Variants in MOCS1 observed in about 807,000 individuals in gnomAD.
The protein encoded by MOCS1 is molybdenum cofactor biosynthesis protein 1.
A neutral mutation model predicts 57.6 loss-of-function variants in MOCS1; 39 were observed. The observed-to-expected ratio is 0.68, with a 90% CI of 0.52 to 0.88. MOCS1 has a LOEUF of 0.88. Ranked by LOEUF, MOCS1 falls within the 40% of genes least tolerant of loss-of-function variation. The pLI, the probability that MOCS1 is intolerant of heterozygous loss-of-function variation, is 0.00. For missense variants in MOCS1, 795 were observed against 831.1 expected, an observed-to-expected ratio of 0.96 and a Z score of 0.53; for synonymous variants, 334 against 335.7, an observed-to-expected ratio of 1.00 and a Z score of 0.05.
rs754821147 is a variant in MOCS1, at chr6:39,906,089, G to A, written c.*268C>T. On this transcript the variant is annotated 3_prime_UTR_variant, in exon 11 of 11. Coordinates refer to ENST00000340692, the MANE Select transcript of MOCS1 (RefSeq NM_001358530.2). Reference sequence around the variant, plus strand: ...CATGATTTCTCAGTTATCTGGCATTGCTTGTTGCAGTCCCGCTCCCACGAC... The same window carrying A: ...CATGATTTCTCAGTTATCTGGCATTACTTGTTGCAGTCCCGCTCCCACGAC... 1.5e-6 allele frequency: 1 copy of A among 665,184 alleles called. No homozygotes were observed. The highest frequency in any genetic ancestry group is 1.5e-5 in the South Asian group (1 of 66,602). 41.2% of individuals were successfully genotyped at this position (665,184 alleles called of 1,614,324 possible). A position where few individuals can be genotyped will look rare whatever the true frequency, so the allele number is the denominator to read the frequency against.
chr6:39,930,236 T>C (rs554220892), intron 1 of MOCS1, among the ~76,000 whole-genome samples: 1 of 152,168 alleles, frequency 6.6e-6, no homozygotes, highest in Non-Finnish European at 1.5e-5. Context: ...AGGAAAAAAA[T>C]ATCAGCACCA....
intron 3 of MOCS1, among the ~76,000 whole-genome samples, chr6:39,918,323 A>G: frequency 6.6e-6 from 1 of 152,276 alleles, no homozygotes; most frequent in Non-Finnish European, 1.5e-5. Context: ...ATATTAGAAA[A>G]GGCAGAATGT....
Position 39,925,699 on chromosome 6 carries a change from G to A in MOCS1, c.397C>T (p.Pro133Ser), listed in dbSNP as rs764043788. The A allele has an allele frequency of 1.1e-5, 17 of 1,612,818 alleles. No homozygotes were observed. Among genetic ancestry groups the A allele is most frequent in the Non-Finnish European group, 1.4e-5 (17 of 1,179,982 alleles). ...TCACCCACAATGTCCACCACGTCCG[G>A]CCGGATAAGCGGCTCTCCACCTGTG... ...RLTGGEPLIR[P>S]DVVDIVAQLQ... The change falls in exon 3 of 11, where the codon CCG (proline) becomes TCG (serine). Residue 133 changes from proline to serine, a missense_variant. Pro to Ser is a moderately conservative substitution (Grantham distance 74). This residue lies in a region of MOCS1 where 416 missense variants were observed against 392.4 expected (regional missense o/e 1.06). Coordinates refer to ENST00000340692, the MANE Select transcript of MOCS1 (RefSeq NM_001358530.2).
chr6:39,925,752 A>G lies in MOCS1; in HGVS notation c.344T>C (p.Val115Ala), dbSNP rs372613479. ...CCGGATCTTGTCGATGCCTTCCTTC[A>G]CAAAGAGCCGGGCGAGGGTCAGGAT... is the stretch of plus-strand genomic sequence containing the variant. ...EEILTLARLF[V>A]KEGIDKIRLT... The change falls in exon 3 of 11, where the codon GTG becomes GCG. Residue 115 changes from valine to alanine, a missense_variant. This residue lies in a region of MOCS1 where 416 missense variants were observed against 392.4 expected (regional missense o/e 1.06). Transcript: ENST00000340692. The G allele has an allele frequency of 4.3e-5, 69 of 1,612,706 alleles. No homozygotes were observed. Among genetic ancestry groups the G allele is most frequent in the Non-Finnish European group, 5.8e-5 (69 of 1,179,990 alleles).
chr6:39,906,909 T>C lies in MOCS1; in HGVS notation c.1359A>G (p.Ala453=). Residue 453 remains alanine, a synonymous_variant, in exon 11 of 11, where the codon GCA becomes GCG. Transcript: ENST00000340692. The part of the protein sequence containing the change: ...GSFQRHYTSR[A]DSDANSKCLS... ...GGCACTTTGAGTTGGCATCTGAGTC[T>C]GCACGGGAAGTGTAGTGTCTCTGAA... The C allele has an allele frequency of 1.2e-6, 2 of 1,614,174 alleles. No individual in the cohort carries two copies. Among genetic ancestry groups the C allele is most frequent in the Middle Eastern group, 3.3e-4 (2 of 6,060 alleles).
chr6:39,913,498 G>A (rs1359765104), intron 5 of MOCS1, 70 bp from the exon 6 acceptor site: 3 of 1,378,460 alleles, frequency 2.2e-6, no homozygotes, highest in Non-Finnish European at 3.1e-6. Context: ...ACCCTTGGGG[G>A]CCTGGCACTC....
intron 2 of MOCS1, among the ~76,000 whole-genome samples, chr6:39,926,338 C>T (rs748157772): frequency 3.9e-5 from 6 of 152,146 alleles, no homozygotes; most frequent in Non-Finnish European, 7.3e-5. Flanking sequence ...CTCAAATCCA[C>T]TCTATCTATT....
intron 10 of MOCS1, 154 bp downstream of exon 10, chr6:39,908,901 G>T: frequency 1.4e-6 from 1 of 729,900 alleles, no homozygotes; most frequent in Non-Finnish European, 2.5e-6. Flanking sequence ...GTAAAACCTT[G>T]AAGGTTAAGA....
Position 39,906,746 on chromosome 6 carries a change from C to A in MOCS1, c.1522G>T (p.Ala508Ser). 2.5e-6 allele frequency: 4 copies of A among 1,614,192 alleles called. No individual in the cohort carries two copies. The highest frequency in any genetic ancestry group is 3.4e-6 in the Non-Finnish European group (4 of 1,180,038). ...GGTCCCAGGAGGACCACGGCTGAAG[C>A]CACAGCCACCCGCTCTGTGTCTGGC... Reference protein sequence around the residue: ...RKPDTERVAVASAVVLLGPVA... With the variant: ...RKPDTERVAVSSAVVLLGPVA... The change falls in exon 11 of 11, where the codon GCT becomes TCT. Residue 508 changes from alanine (A) to serine (S), a missense_variant. Ala to Ser is a moderately conservative substitution (Grantham distance 99, BLOSUM62 1). Coordinates refer to ENST00000340692, the MANE Select transcript of MOCS1 (RefSeq NM_001358530.2).
In MOCS1 at chr6:39,904,429, G is replaced by C. The variant is rs73414848; in HGVS notation, c.*1928C>G. On this transcript the variant is annotated 3_prime_UTR_variant, in exon 11 of 11. Transcript: ENST00000340692. ...GGGGTGGCTGAGCTGGTCCTTAATA[G>C]GTTGTTTCTTGGTCTTGCTTTCTTC... is the stretch of plus-strand genomic sequence containing the variant. 0.013 allele frequency: 5,963 copies of C among 454,958 alleles called. 280 individuals carry two copies. The highest frequency in any genetic ancestry group is 0.1 in the African/African-American group (5,199 of 50,074). The allele number at this position is 454,958 out of a possible 1,614,324, so 28.2% of individuals were successfully genotyped here.
intron 10 of MOCS1, among the ~76,000 whole-genome samples, chr6:39,907,398 T>A (rs1767030097): frequency 6.6e-6 from 1 of 152,028 alleles, no homozygotes; most frequent in Admixed American, 6.6e-5. Flanking sequence ...TCCCTCCACA[T>A]GAAAACCTTC....
rs1328390141 is a variant in MOCS1, at chr6:39,905,775, G to A, written c.*582C>T. 4 of 471,098 alleles carry A rather than the reference G, an allele frequency of 8.5e-6. No individual in the cohort carries two copies. Among genetic ancestry groups the A allele is most frequent in the African/African-American group, 4.0e-5 (2 of 50,066 alleles). 29.2% of individuals were successfully genotyped at this position (471,098 alleles called of 1,614,324 possible). A position where few individuals can be genotyped will look rare whatever the true frequency, so the allele number is the denominator to read the frequency against. ...CGGGCAACTGTTAAGCTGAAAGGCT[G>A]CAAGTCTGATGGGACACAGACTTGG... On this transcript the variant is annotated 3_prime_UTR_variant, in exon 11 of 11. Transcript: ENST00000340692.
intron 3 of MOCS1, among the ~76,000 whole-genome samples, chr6:39,924,217 G>T (rs1768141792): frequency 6.6e-6 from 1 of 152,184 alleles, no homozygotes; most frequent in Non-Finnish European, 1.5e-5. Flanking sequence ...CTGCCTCAAG[G>T]CTTAGAACAG....
chr6:39,916,894 A>G (rs1767690240), intron 3 of MOCS1, among the ~76,000 whole-genome samples: 1 of 152,208 alleles, frequency 6.6e-6, no homozygotes, highest in Admixed American at 6.5e-5. Flanking sequence ...AAAAACAGGG[A>G]GTGACTAGTG....
intron 3 of MOCS1, among the ~76,000 whole-genome samples, chr6:39,923,601 T>A (rs1200677587): frequency 2.0e-5 from 3 of 152,242 alleles, no homozygotes; most frequent in African/African-American, 7.2e-5. Context: ...AGCAGCTGGT[T>A]CAGCAGGTTC....
chr6:39,920,979 A>G (rs1397441430), intron 3 of MOCS1, among the ~76,000 whole-genome samples: 1 of 148,304 alleles, frequency 6.7e-6, no homozygotes, highest in South Asian at 2.3e-4. Flanking sequence ...CGGTCTCCCA[A>G]AAAAAAAAGG....
intron 9 of MOCS1, among the ~76,000 whole-genome samples, chr6:39,909,393 A>G (rs1454781738): frequency 6.6e-6 from 1 of 151,910 alleles, no homozygotes; most frequent in African/African-American, 2.4e-5. Context: ...TCACTGAAAC[A>G]AACGCGCTTG....
Position 39,906,400 on chromosome 6 carries a change from A to G in MOCS1, c.1868T>C (p.Ile623Thr), listed in dbSNP as rs1184835713. ...CCCCCGCTGACCACCAGTCTTGCTA[A>G]TGAGCTTGATCTCCTCCAACACGAT... ...RDIVLEEIKL[I>T]SKTGGQRGDF... Residue 623 changes from isoleucine to threonine, a missense_variant, in exon 11 of 11, where the codon ATT (isoleucine) becomes ACT (threonine). Ile to Thr is a moderately conservative substitution (Grantham distance 89). Transcript: ENST00000340692. The G allele has an allele frequency of 6.2e-7, 1 of 1,601,514 alleles. No individual in the cohort carries two copies. The highest frequency in any genetic ancestry group is 8.5e-7 in the Non-Finnish European group (1 of 1,170,426).
chr6:39,921,703 T>C (rs1767981751), intron 3 of MOCS1, among the ~76,000 whole-genome samples: 1 of 151,692 alleles, frequency 6.6e-6, no homozygotes, highest in Non-Finnish European at 1.5e-5. Flanking sequence ...CAGGAAGGAA[T>C]GGAGGGAGCG....
Sources: allele counts gnomAD v4.1 joint callset (sites outside exome capture counted in the v4.1 genomes callset), GRCh38; gene constraint gnomAD v4.1.1; regional missense constraint gnomAD v4.1.1; transcripts MANE v1.5; gene names NCBI Gene and HGNC (gene_info 2026-07-23, HGNC 2026-07-21).